RDH13: variants seen among roughly 807,000 people sequenced by gnomAD.
RDH13 encodes the protein retinol dehydrogenase 13 (all-trans and 9-cis).
Under a neutral mutation model 28.3 loss-of-function variants are expected in RDH13, and 35 were observed. The ratio of observed to expected loss-of-function variants is 1.24; its 90% CI spans 0.95 to 1.64. The LOEUF (loss-of-function observed/expected upper bound fraction) is 1.64. Among genes scored for constraint, RDH13 ranks in the 40% most tolerant of loss-of-function variants. The pLI is 0.00. For synonymous variants in RDH13, 229 were observed against 198.5 expected (o/e 1.15, Z -1.29); for missense variants, 514 against 446.3 (o/e 1.15, Z -1.37).
chr19:55,059,877 G>A (rs183426432), intron 1 of RDH13, among the ~76,000 whole-genome samples: 1 of 152,286 alleles, frequency 6.6e-6, no homozygotes, highest in Admixed American at 6.5e-5. Context: ...TGAAATCAAG[G>A]TTTAAGGGAT....
At chr19:55,060,265 G>A (rs971271039) in intron 1 of RDH13, among the ~76,000 whole-genome samples, 2 of 152,002 alleles carry the variant, frequency 1.3e-5, no homozygotes, top group East Asian at 1.9e-4. Flanking sequence ...TTCTGAGACA[G>A]GAGAAAAGCC....
Position 55,056,717 on chromosome 19 carries a change from G to T in RDH13, c.276C>A (p.Asn92Lys), listed in dbSNP as rs12609004. 125,720 of 1,613,644 alleles carry T rather than the reference G, an allele frequency of 0.078. 5,666 individuals carry two copies. The highest frequency in any genetic ancestry group is 0.2 in the East Asian group (8,809 of 44,844). Residue 92 changes from asparagine to lysine, a missense_variant, in exon 3 of 7, where the codon AAC becomes AAA. By Grantham distance (94) the Asn-to-Lys change is moderately conservative. Coordinates refer to ENST00000415061, the MANE Select transcript of RDH13 (RefSeq NM_001145971.2). The stretch of plus-strand genomic sequence containing the variant: ...GGGAAGCCAAGTCCAGGTGCCGGGC[G>T]TTGACATGGTGATTGAGGGTCTCCC... ...IRGETLNHHV[N>K]ARHLDLASLK...
downstream of RDH13, chr19:55,040,395 T>G (rs1204764745): frequency 2.0e-5 from 3 of 152,340 alleles, no homozygotes; most frequent in African/African-American, 7.2e-5. Context: ...CCTGACCTTG[T>G]GATTTGGCCT....
rs2075864757 is a variant in RDH13 at position 55,063,133 on chromosome 19, A to C, written c.-101T>G. 4 of 1,106,216 alleles carry C rather than the reference A, an allele frequency of 3.6e-6. No individual in the cohort carries two copies. The highest frequency in any genetic ancestry group is 4.7e-6 in the Non-Finnish European group (4 of 855,272). The allele number at this position is 1,106,216 out of a possible 1,614,324, so 68.5% of individuals were successfully genotyped here. A position where few individuals can be genotyped will look rare whatever the true frequency, so the allele number is the denominator to read the frequency against. ...GAGGAAGAGCGCGCGACGCAGCCAC[A>C]GGCGAGCGGAGGCGCAGGCGCGGCT... On this transcript the variant is annotated 5_prime_UTR_variant, in exon 1 of 7. Coordinates refer to ENST00000415061, the MANE Select transcript of RDH13 (RefSeq NM_001145971.2).
At chr19:55,055,661 G>A (rs116242333) in intron 3 of RDH13, among the ~76,000 whole-genome samples, 97 of 150,030 alleles carry the variant, frequency 6.5e-4, no homozygotes, top group African/African-American at 2.2e-3. Context: ...GCAACATGGT[G>A]AAACCCCAGC....
At chr19:55,065,376 C>T (rs548860103), upstream of RDH13, among the ~76,000 whole-genome samples, 14 of 151,326 alleles carry the variant, frequency 9.3e-5, no homozygotes, top group South Asian at 2.9e-3. Context: ...AGAGCAAGAC[C>T]CCATCTCAAA....
At chr19:55,066,597 CTCT>C (rs1208832841), upstream of RDH13, among the ~76,000 whole-genome samples, 4 of 150,020 alleles carry the variant, frequency 2.7e-5, no homozygotes, top group South Asian at 2.1e-4. Flanking sequence ...CCCTCTCTTC[CTCT>C]TTTTTCTTCC....
chr19:55,056,186 G>A (rs756302334), intron 3 of RDH13, among the ~76,000 whole-genome samples: 7 of 151,632 alleles, frequency 4.6e-5, no homozygotes, highest in South Asian at 4.2e-4. Context: ...AAAGTCAGCC[G>A]GGCGCAGTGG....
chr19:55,061,764 G>T (rs918526557), intron 1 of RDH13, among the ~76,000 whole-genome samples: 1 of 150,106 alleles, frequency 6.7e-6, no homozygotes, highest in Non-Finnish European at 1.5e-5. Flanking sequence ...CTGCACTCCA[G>T]CCTGGGTGAC....
rs1193148903 is a variant in RDH13 at position 55,047,478 on chromosome 19, C to G, written c.669G>C (p.Val223=). Residue 223 remains valine (V), a synonymous_variant, in exon 6 of 7, where the codon GTG becomes GTC. Transcript: ENST00000415061. The part of the protein sequence containing the change: ...ELSRRLQGSG[V]TVNALHPGVA... ...CGCCGGGGTGCAGGGCGTTGACAGTCACACCAGAGCCTGGGGAAGAAAGAA... is the reference window on the plus strand; with the variant it reads ...CGCCGGGGTGCAGGGCGTTGACAGTGACACCAGAGCCTGGGGAAGAAAGAA... The G allele has an allele frequency of 1.9e-6, 3 of 1,607,066 alleles. No individual in the cohort carries two copies.
intron 6 of RDH13, 57 bp downstream of exon 6, chr19:55,047,330 T>C: frequency 6.3e-7 from 1 of 1,582,796 alleles, no homozygotes. Flanking sequence ...GGCCCTGGGC[T>C]GAGAAAGCAG....
intron 3 of RDH13, chr19:55,050,886 C>T (rs1465835495): frequency 6.6e-6 from 1 of 151,840 alleles, no homozygotes; most frequent in Non-Finnish European, 1.5e-5. Context: ...GGTTGCAGCA[C>T]ACCCGTCATG....
intron 6 of RDH13, 23 bp downstream of exon 6, chr19:55,047,363 AC>A (rs1568687039): frequency 1.2e-6 from 2 of 1,606,462 alleles, no homozygotes; most frequent in Non-Finnish European, 8.5e-7. Context: ...CCACGTGGAG[AC>A]CCCAGGCTGG....
intron 1 of RDH13, among the ~76,000 whole-genome samples, chr19:55,061,315 G>A (rs2147071580): frequency 6.6e-6 from 1 of 152,036 alleles, no homozygotes; most frequent in Non-Finnish European, 1.5e-5. Context: ...ATTTTTAGTA[G>A]AGACAGAGTT....
rs753281212 is a variant in RDH13 at position 55,063,034 on chromosome 19, C to T, written c.-2G>A. ...CAGCGGCAGCAGGTAGCGGCTCATG[C>T]CGGGCCGGGGACAGGCGTCAGGCGT... On this transcript the variant is annotated 5_prime_UTR_variant, in exon 1 of 7. Transcript: ENST00000415061. The T allele has an allele frequency of 1.5e-6, 2 of 1,371,594 alleles. No individual in the cohort carries two copies. The highest frequency in any genetic ancestry group is 1.6e-5 in the South Asian group (1 of 62,394). 85.0% of individuals were successfully genotyped at this position (1,371,594 alleles called of 1,614,324 possible).
At chr19:55,043,244 A>G (rs908361303), downstream of RDH13, 5 of 152,156 alleles carry the variant, frequency 3.3e-5, no homozygotes, top group Admixed American at 1.3e-4. Flanking sequence ...TGCCACCTCT[A>G]CAAATAATTA....
Position 55,061,993 on chromosome 19 carries a change from T to C in RDH13, c.65+975A>G, listed in dbSNP as rs911794979. 5.3e-5 allele frequency among the ~76,000 whole-genome samples: 8 copies of C among 152,108 alleles called. No homozygotes were observed. In the East Asian group the frequency reaches 1.2e-3, roughly 22 times the overall value. ...TTAGACAGGCGTGGTGGCACATGCC[T>C]GTAATCCCAGCTACTCAGGAGGCTG... On this transcript the variant is annotated intron_variant, in intron 1 of 6. Coordinates refer to ENST00000415061, the MANE Select transcript of RDH13 (RefSeq NM_001145971.2).
chr19:55,045,349 A>C, intron 6 of RDH13, 40 bp from the exon 7 acceptor site: 1 of 1,519,204 alleles, frequency 6.6e-7, no homozygotes. Context: ...ACACTCGCTC[A>C]GAGAGAAGGA....
intron 4 of RDH13, 30 bp downstream of exon 4, chr19:55,048,629 C>T (rs954155808): frequency 6.2e-7 from 1 of 1,611,460 alleles, no homozygotes; most frequent in African/African-American, 1.3e-5. Context: ...ATCGCTTGAA[C>T]CCATGGTGCA....
Sources: allele counts gnomAD v4.1 joint callset (sites outside exome capture counted in the v4.1 genomes callset), GRCh38; gene constraint gnomAD v4.1.1; transcripts MANE v1.5; gene names NCBI Gene and HGNC (gene_info 2026-07-23, HGNC 2026-07-21).